EBF1: variants seen among roughly 807,000 people sequenced by gnomAD.
The protein encoded by EBF1 is transcription factor COE1.
In EBF1, 10 loss-of-function variants were observed where a neutral mutation model predicts 68.4. The ratio of observed to expected loss-of-function variants is 0.15; its 90% CI spans 0.09 to 0.25. The LOEUF is 0.25. Among genes scored for constraint, EBF1 ranks in the 10% least tolerant of loss-of-function variants. The pLI, the probability that EBF1 is intolerant of heterozygous loss-of-function variation, is 1.00. For synonymous variants in EBF1, 298 were observed against 299.8 expected, an observed-to-expected ratio of 0.99 and a Z score of 0.06; for missense variants, 509 against 794.4, an observed-to-expected ratio of 0.64 and a Z score of 4.32.
chr5:158,837,259 G>C (rs1479439495), intron 7 of EBF1, among the ~76,000 whole-genome samples: 1 of 152,086 alleles, frequency 6.6e-6, no homozygotes, highest in East Asian at 1.9e-4. Flanking sequence ...ACAATGCATG[G>C]GGGCACCCCC....
intron 6 of EBF1, among the ~76,000 whole-genome samples, chr5:159,017,243 T>C (rs1046895150): frequency 5.3e-5 from 8 of 152,220 alleles, no homozygotes; most frequent in Admixed American, 2.6e-4. Flanking sequence ...TAAAAGAAAG[T>C]TGACAAACCA....
chr5:158,942,156 T>C (rs1451509354), intron 6 of EBF1, among the ~76,000 whole-genome samples: 1 of 152,222 alleles, frequency 6.6e-6, no homozygotes, highest in African/African-American at 2.4e-5. Flanking sequence ...AAATAAAATA[T>C]ATACACAGTA....
At chr5:159,076,465 C>T (rs762969704) in intron 5 of EBF1, among the ~76,000 whole-genome samples, 4 of 152,246 alleles carry the variant, frequency 2.6e-5, no homozygotes, top group Non-Finnish European at 4.4e-5. Context: ...ATAAAAATGT[C>T]CCTGAGAGCA....
At chr5:158,975,736 C>CA (rs761259256) in intron 6 of EBF1, among the ~76,000 whole-genome samples, 117 of 152,296 alleles carry the variant, frequency 7.7e-4, no homozygotes, top group Non-Finnish European at 4.4e-4. Context: ...TGGACATAAA[C>CA]AACTGGGGGG....
intron 6 of EBF1, among the ~76,000 whole-genome samples, chr5:158,917,674 A>C (rs1807511291): frequency 6.6e-6 from 1 of 152,198 alleles, no homozygotes; most frequent in Admixed American, 6.5e-5. Context: ...GAAACAGTGA[A>C]TAGACTTCTT....
chr5:158,944,231 C>A (rs553110379), intron 6 of EBF1, among the ~76,000 whole-genome samples: 2 of 152,152 alleles, frequency 1.3e-5, no homozygotes, highest in African/African-American at 2.4e-5. Flanking sequence ...CCTCCACCCC[C>A]CTACAGGCCC....
At chr5:158,969,992 C>A (rs1476065827) in intron 6 of EBF1, among the ~76,000 whole-genome samples, 3 of 150,672 alleles carry the variant, frequency 2.0e-5, no homozygotes, top group Non-Finnish European at 4.4e-5. Flanking sequence ...ACACCCCAAA[C>A]AAAAGAAATC....
chr5:158,789,930 A>C (rs1778269703), intron 9 of EBF1, among the ~76,000 whole-genome samples: 1 of 152,206 alleles, frequency 6.6e-6, no homozygotes, highest in South Asian at 2.1e-4. Flanking sequence ...AGAAAGAAAG[A>C]AATGAAGGAC....
At chr5:159,039,657 T>C (rs1770789827) in intron 6 of EBF1, among the ~76,000 whole-genome samples, 1 of 152,216 alleles carries the variant, frequency 6.6e-6, no homozygotes, top group Non-Finnish European at 1.5e-5. Flanking sequence ...AGAAGAAAAA[T>C]TATTTAAATA....
chr5:158,891,904 A>ATATT (rs979069344), intron 6 of EBF1, among the ~76,000 whole-genome samples: 11 of 152,132 alleles, frequency 7.2e-5, no homozygotes, highest in Middle Eastern at 3.4e-3. Context: ...TTTTTAAAAA[A>ATATT]TATTTATTTA....
chr5:159,086,924 G>T (rs778153935), intron 4 of EBF1, among the ~76,000 whole-genome samples: 4 of 152,012 alleles, frequency 2.6e-5, no homozygotes, highest in Non-Finnish European at 5.9e-5. Flanking sequence ...TCAAGAAAAT[G>T]CATTAACTAA....
intron 8 of EBF1, among the ~76,000 whole-genome samples, chr5:158,814,472 T>C (rs1300008271): frequency 6.6e-5 from 10 of 152,194 alleles, no homozygotes; most frequent in Non-Finnish European, 7.3e-5. Flanking sequence ...TTATTAAAAT[T>C]AGTAAGGTGT....
At position 158,843,359 on chromosome 5, in the gene EBF1, T is replaced by C. The variant is rs550379822; in HGVS notation, c.555-3249A>G. 5.3e-5 allele frequency among the ~76,000 whole-genome samples: 8 copies of C among 152,306 alleles called. 1 individual carries two copies. In the East Asian group the frequency reaches 1.5e-3, roughly 29 times the overall value. On this transcript the variant is annotated intron_variant, in intron 6 of 15. Transcript: ENST00000313708. Reference sequence around the variant, plus strand: ...AAAGACAGGCAAACAGGACACCAGCTATGCCAGGGAGAAACAGAATCAAGG... The same window carrying C: ...AAAGACAGGCAAACAGGACACCAGCCATGCCAGGGAGAAACAGAATCAAGG...
At chr5:158,939,088 T>C (rs1410146870) in intron 6 of EBF1, among the ~76,000 whole-genome samples, 2 of 152,220 alleles carry the variant, frequency 1.3e-5, no homozygotes, top group Admixed American at 1.3e-4. Flanking sequence ...CATGTGCTTT[T>C]ATGCATCTAA....
intron 10 of EBF1, among the ~76,000 whole-genome samples, chr5:158,775,721 G>A (rs1415791490): frequency 6.8e-6 from 1 of 147,326 alleles, no homozygotes; most frequent in Non-Finnish European, 1.5e-5. Context: ...TCCTTTTCCT[G>A]CAGCCCCATA....
chr5:158,814,415 T>C (rs1783311835), intron 8 of EBF1, among the ~76,000 whole-genome samples: 1 of 152,136 alleles, frequency 6.6e-6, no homozygotes, highest in Non-Finnish European at 1.5e-5. Flanking sequence ...CAACAATCTT[T>C]CCTCCCCAAA....
At chr5:159,052,784 G>T (rs1019536431) in intron 6 of EBF1, among the ~76,000 whole-genome samples, 5 of 152,196 alleles carry the variant, frequency 3.3e-5, no homozygotes, top group African/African-American at 1.2e-4. Flanking sequence ...CTTACCTTTG[G>T]CAGGAACCCA....
chr5:158,710,626 A>C (rs1032221373), intron 14 of EBF1, among the ~76,000 whole-genome samples: 1 of 152,216 alleles, frequency 6.6e-6, no homozygotes, highest in Non-Finnish European at 1.5e-5. Context: ...CTAAGATGAA[A>C]TGTGTAATTT....
chr5:158,962,154 C>T (rs1424641758), intron 6 of EBF1, among the ~76,000 whole-genome samples: 2 of 152,124 alleles, frequency 1.3e-5, no homozygotes, highest in African/African-American at 2.4e-5. Flanking sequence ...CGGTATGCTT[C>T]CAAAATACGT....
Sources: allele counts gnomAD v4.1 joint callset (sites outside exome capture counted in the v4.1 genomes callset), GRCh38; gene constraint gnomAD v4.1.1; transcripts MANE v1.5; gene names NCBI Gene and HGNC (gene_info 2026-07-23, HGNC 2026-07-21).